Variants in NRXN1 observed in about 807,000 individuals in gnomAD.
NRXN1 encodes the protein neurexin 1, also known as neurexin-1.
NRXN1 carries 39 observed loss-of-function variants against 150.9 expected under a neutral mutation model. The ratio of observed to expected loss-of-function variants is 0.26; its 90% confidence interval spans 0.20 to 0.34. The LOEUF is 0.34. Ranked by LOEUF, NRXN1 falls within the 10% of genes least tolerant of loss-of-function variation. The probability of loss-of-function intolerance (pLI) is 1.00; values close to 1 mark genes in which losing one functional copy is unlikely to be tolerated. For missense variants in NRXN1, 1,815 were observed against 1,949.9 expected, an observed-to-expected ratio of 0.93 and a Z score of 1.30; for synonymous variants, 924 against 757.0, an observed-to-expected ratio of 1.22 and a Z score of -3.62.
chr2:50,353,190 T>C (rs1196273443), intron 17 of NRXN1, among the ~76,000 whole-genome samples: 1 of 152,156 alleles, frequency 6.6e-6, no homozygotes, highest in Non-Finnish European at 1.5e-5. Flanking sequence ...TTGTCTTTCA[T>C]TCGATTTAAT....
intron 2 of NRXN1, among the ~76,000 whole-genome samples, chr2:50,929,975 C>T (rs991039118): frequency 1.2e-4 from 19 of 152,048 alleles, no homozygotes; most frequent in Non-Finnish European, 2.1e-4. Flanking sequence ...AGAACCAAGA[C>T]GATGTTCAAA....
intron 5 of NRXN1, among the ~76,000 whole-genome samples, chr2:50,851,388 A>C (rs969250994): frequency 3.9e-5 from 6 of 152,172 alleles, no homozygotes; most frequent in Non-Finnish European, 7.3e-5. Context: ...GAAATATATA[A>C]GTGTTTTAAG....
At chr2:51,024,049 A>T (rs1397578480) in intron 2 of NRXN1, among the ~76,000 whole-genome samples, 1 of 152,174 alleles carries the variant, frequency 6.6e-6, no homozygotes, top group African/African-American at 2.4e-5. Flanking sequence ...ATTATAACTT[A>T]ATTTCTTATT....
intron 5 of NRXN1, among the ~76,000 whole-genome samples, chr2:50,831,756 A>G (rs1472141545): frequency 6.6e-6 from 1 of 152,232 alleles, no homozygotes; most frequent in Non-Finnish European, 1.5e-5. Context: ...TCTCCGGAAT[A>G]TGAATAGAAC....
At chr2:50,240,979 T>A (rs2152885734) in intron 17 of NRXN1, among the ~76,000 whole-genome samples, 1 of 151,840 alleles carries the variant, frequency 6.6e-6, no homozygotes, top group Admixed American at 6.6e-5. Context: ...TTCAAAGTTA[T>A]GTCCAAATCA....
intron 2 of NRXN1, among the ~76,000 whole-genome samples, chr2:50,930,516 G>A (rs1030920401): frequency 6.6e-5 from 10 of 151,980 alleles, no homozygotes; most frequent in South Asian, 2.1e-4. Context: ...AATATAAATC[G>A]AATGACTCAC....
At chr2:50,179,714 C>T (rs1574347892) in intron 18 of NRXN1, among the ~76,000 whole-genome samples, 1 of 152,074 alleles carries the variant, frequency 6.6e-6, no homozygotes. Context: ...AATTGTTACC[C>T]TTTTTTATAC....
At chr2:50,965,137 C>T (rs1186517643) in intron 2 of NRXN1, among the ~76,000 whole-genome samples, 2 of 151,210 alleles carry the variant, frequency 1.3e-5, no homozygotes. Context: ...CTTATAACAT[C>T]ACAATTGATT....
At chr2:50,075,998 T>A (rs1697036537) in intron 19 of NRXN1, among the ~76,000 whole-genome samples, 1 of 152,230 alleles carries the variant, frequency 6.6e-6, no homozygotes, top group Non-Finnish European at 1.5e-5. Flanking sequence ...AAATTTCAAA[T>A]GAATTCCTTA....
At chr2:50,302,354 G>C (rs1368867724) in intron 17 of NRXN1, among the ~76,000 whole-genome samples, 1 of 152,114 alleles carries the variant, frequency 6.6e-6, no homozygotes, top group Admixed American at 6.6e-5. Flanking sequence ...AGGGCTTTTT[G>C]TATTCTTGAA....
chr2:50,110,621 G>A (rs985506523), intron 18 of NRXN1, among the ~76,000 whole-genome samples: 88 of 152,090 alleles, frequency 5.8e-4, no homozygotes, highest in African/African-American at 2.0e-3. Flanking sequence ...GTGTGTGTGC[G>A]TATGTGCGTG....
intron 5 of NRXN1, among the ~76,000 whole-genome samples, chr2:50,654,282 G>C (rs769848702): frequency 5.9e-5 from 7 of 119,024 alleles, no homozygotes; most frequent in Non-Finnish European, 1.1e-4. Context: ...TGTGGTGTTT[G>C]GTTTTTTTGT....
At chr2:50,431,299 T>C (rs950221911) in intron 17 of NRXN1, among the ~76,000 whole-genome samples, 2 of 152,166 alleles carry the variant, frequency 1.3e-5, no homozygotes, top group African/African-American at 4.8e-5. Flanking sequence ...ACATCCTAGG[T>C]TTTTCCTAAA....
At chr2:50,031,229 A>G (rs1689126329) in intron 21 of NRXN1, among the ~76,000 whole-genome samples, 2 of 152,082 alleles carry the variant, frequency 1.3e-5, no homozygotes. Flanking sequence ...TAAAGAAGCC[A>G]GCATGCTTGG....
intron 5 of NRXN1, among the ~76,000 whole-genome samples, chr2:50,732,044 T>C (rs1327881546): frequency 2.0e-5 from 3 of 152,212 alleles, no homozygotes. Context: ...TATGTCAGTT[T>C]CACATATATA....
chr2:51,013,706 T>C (rs1668247093), intron 2 of NRXN1, among the ~76,000 whole-genome samples: 1 of 152,060 alleles, frequency 6.6e-6, no homozygotes. Context: ...TCTCTAGTGA[T>C]ACAGATTCAC....
At chr2:50,470,200 G>T (rs1054917402) in intron 16 of NRXN1, among the ~76,000 whole-genome samples, 3 of 151,460 alleles carry the variant, frequency 2.0e-5, no homozygotes, top group African/African-American at 7.3e-5. Context: ...ATAAAATAAA[G>T]GTACACATTC....
At chr2:50,722,173 G>A (rs753842001) in intron 5 of NRXN1, among the ~76,000 whole-genome samples, 13 of 151,966 alleles carry the variant, frequency 8.6e-5, no homozygotes, top group Non-Finnish European at 1.9e-4. Context: ...TATAATTTGG[G>A]CATCTCCCTA....
chr2:50,735,190 C>T lies in NRXN1; in HGVS notation c.833-111575G>A, dbSNP rs145234562. Among the ~76,000 whole-genome samples, 39 of 152,060 alleles carry T rather than the reference C, an allele frequency of 2.6e-4. No individual in the cohort carries two copies. The East Asian group carries it at 6.4e-3, about 25-fold the overall frequency. On this transcript the variant is annotated intron_variant, in intron 5 of 22. Transcript: ENST00000401669. ...TAAAAATTCACAAGTAGAAAGATGC[C>T]AAAACATATTTGTCTCTCTGGATAC... is the stretch of plus-strand genomic sequence containing the variant.
Sources: gnomAD v4.1 joint callset for allele counts (sites outside exome capture counted in the v4.1 genomes callset) on GRCh38, gnomAD v4.1.1 for gene constraint, MANE v1.5 for transcripts, NCBI Gene and HGNC (gene_info 2026-07-23, HGNC 2026-07-21) for gene names.